Variants in STK38L observed in about 807,000 individuals in gnomAD.
STK38L encodes the protein serine/threonine-protein kinase 38-like.
A neutral mutation model predicts 59.7 loss-of-function variants in STK38L; 28 were observed. The observed-to-expected ratio is 0.47, with a 90% CI of 0.35 to 0.64. STK38L has a LOEUF of 0.64. STK38L is among the 30% of genes least tolerant of loss of function. The probability of loss-of-function intolerance (pLI) is 0.01; values close to 1 mark genes in which losing one functional copy is unlikely to be tolerated. For missense variants in STK38L, 314 were observed against 555.8 expected (o/e 0.56, Z 4.37); for synonymous variants, 162 against 176.8 (o/e 0.92, Z 0.66).
intron 2 of STK38L, among the ~76,000 whole-genome samples, chr12:27,299,149 T>A (rs1944102527): frequency 6.6e-6 from 1 of 152,240 alleles, no homozygotes; most frequent in African/African-American, 2.4e-5. Flanking sequence ...AAGTCAATGT[T>A]GCCTCTGAAA....
At position 27,325,330 on chromosome 12, in the gene STK38L, TG is replaced by T. The variant is rs1409797153; in HGVS notation, c.*2876del. 5 of 152,196 alleles carry T rather than the reference TG, an allele frequency of 3.3e-5. No individual in the cohort carries two copies. Among genetic ancestry groups the T allele is most frequent in the Non-Finnish European group, 7.4e-5 (5 of 67,994 alleles). The allele number at this position is 152,196 out of a possible 1,614,324, so 9.4% of individuals were successfully genotyped here. A position where few individuals can be genotyped will look rare whatever the true frequency, so the allele number is the denominator to read the frequency against. On this transcript the variant is annotated 3_prime_UTR_variant, in exon 14 of 14. Coordinates refer to ENST00000389032, the MANE Select transcript of STK38L (RefSeq NM_015000.4). ...GTTTCATTTATTTCTATACTTTTTC[TG>T]TTTTTTAAACACCTGCATATTTTTA...
At position 27,308,285 on chromosome 12, in the gene STK38L, C is replaced by T; in HGVS notation, c.187-54C>T. Reference sequence around the variant, plus strand: ...TATCATCTTTTAATACTAGAAGCTCCATCAAAACAACCTAATTATAAAATC... The same window carrying T: ...TATCATCTTTTAATACTAGAAGCTCTATCAAAACAACCTAATTATAAAATC... On this transcript the variant is annotated intron_variant, in intron 3 of 13. Coordinates refer to ENST00000389032, the MANE Select transcript of STK38L (RefSeq NM_015000.4). This position sits in a 1 kb window ranked among gnomAD's most constrained non-coding sequence, Gnocchi z 4.5. 7.0e-7 allele frequency: 1 copy of T among 1,431,906 alleles called. No individual in the cohort carries two copies. Among genetic ancestry groups the T allele is most frequent in the African/African-American group, 1.4e-5 (1 of 69,026 alleles). 88.7% of individuals were successfully genotyped at this position (1,431,906 alleles called of 1,614,324 possible).
chr12:27,314,729 T>C, intron 7 of STK38L, 71 bp downstream of exon 7: 2 of 1,474,142 alleles, frequency 1.4e-6, no homozygotes, highest in Admixed American at 2.4e-5. Context: ...ATTTTGTGAA[T>C]GGAAATCAGC....
At chr12:27,269,725 C>T (rs1439681237) in intron 1 of STK38L, among the ~76,000 whole-genome samples, 1 of 152,178 alleles carries the variant, frequency 6.6e-6, no homozygotes, top group Non-Finnish European at 1.5e-5. Context: ...TCACTGCAAC[C>T]TTTGCCTCCT....
chr12:27,312,481 G>GT, intron 5 of STK38L, 68 bp from the exon 6 acceptor site: 2 of 1,543,372 alleles, frequency 1.3e-6, no homozygotes, highest in Admixed American at 3.6e-5. Flanking sequence ...ATGGATAAGT[G>GT]TAAGAGATGA....
chr12:27,310,219 C>T (rs1944422800), intron 5 of STK38L, among the ~76,000 whole-genome samples: 1 of 151,964 alleles, frequency 6.6e-6, no homozygotes, highest in African/African-American at 2.4e-5. Flanking sequence ...GCTATGATTC[C>T]CCAGAGGGAA....
At chr12:27,267,788 G>T (rs956698431) in intron 1 of STK38L, among the ~76,000 whole-genome samples, 12 of 151,982 alleles carry the variant, frequency 7.9e-5, no homozygotes, top group Non-Finnish European at 1.6e-4. Context: ...GTATGAAGTG[G>T]TATCTCTTTG....
In STK38L at chr12:27,323,973, T is replaced by C. The variant is rs1944787340; in HGVS notation, c.*1518T>C. On this transcript the variant is annotated 3_prime_UTR_variant, in exon 14 of 14. Transcript: ENST00000389032. ...CATGATAACCATTATAAATGATCTATGATCAAAATCTAAAGTGATGAATTA... is the reference window on the plus strand; with the variant it reads ...CATGATAACCATTATAAATGATCTACGATCAAAATCTAAAGTGATGAATTA... 1 of 152,126 alleles carries C rather than the reference T, an allele frequency of 6.6e-6. No individual in the cohort carries two copies. The highest frequency in any genetic ancestry group is 2.1e-4 in the South Asian group (1 of 4,828). 9.4% of individuals were successfully genotyped at this position (152,126 alleles called of 1,614,324 possible).
intron 1 of STK38L, among the ~76,000 whole-genome samples, chr12:27,263,128 C>T (rs1187385257): frequency 6.6e-6 from 1 of 152,092 alleles, no homozygotes; most frequent in Non-Finnish European, 1.5e-5. Flanking sequence ...TCTCTCTCAC[C>T]TTGTATTTAG....
At chr12:27,310,087 C>T (rs1417182577) in intron 5 of STK38L, among the ~76,000 whole-genome samples, 1 of 152,122 alleles carries the variant, frequency 6.6e-6, no homozygotes, top group Non-Finnish European at 1.5e-5. Context: ...GATTTGCAGT[C>T]ATGAATTTAA....
intron 2 of STK38L, among the ~76,000 whole-genome samples, chr12:27,299,707 T>C (rs1274355760): frequency 6.6e-6 from 1 of 152,100 alleles, no homozygotes; most frequent in Non-Finnish European, 1.5e-5. Flanking sequence ...TTTGACAAAT[T>C]ATGTTGTAAG....
intron 5 of STK38L, 84 bp from the exon 6 acceptor site, chr12:27,312,464 GT>G: frequency 1.4e-6 from 2 of 1,438,366 alleles, no homozygotes; most frequent in Non-Finnish European, 1.9e-6. Flanking sequence ...TTCATTAACT[GT>G]TATGGATGGA....
At chr12:27,307,397 A>T (rs1944343621) in intron 3 of STK38L, among the ~76,000 whole-genome samples, 1 of 152,240 alleles carries the variant, frequency 6.6e-6, no homozygotes, top group Non-Finnish European at 1.5e-5. Context: ...TTTTAAAAAC[A>T]GATATATACA....
At chr12:27,268,631 C>T (rs1287288296) in intron 1 of STK38L, among the ~76,000 whole-genome samples, 3 of 152,146 alleles carry the variant, frequency 2.0e-5, no homozygotes, top group Non-Finnish European at 4.4e-5. Flanking sequence ...TGGGTATATA[C>T]CCAGTAATGG....
At position 27,317,316 on chromosome 12, in the gene STK38L, G is replaced by T. The variant is rs745758622; in HGVS notation, c.838-20G>T. On this transcript the variant is annotated intron_variant, in intron 9 of 13. Coordinates refer to ENST00000389032, the MANE Select transcript of STK38L (RefSeq NM_015000.4). The stretch of plus-strand genomic sequence containing the variant: ...TTTTAAATGTTAAGAATGCTGGTTT[G>T]ACGAGTTGCTCCTTTGTAGGCATAT... The T allele has an allele frequency of 1.9e-6, 3 of 1,547,364 alleles. No individual in the cohort carries two copies. In the Admixed American group the frequency reaches 5.6e-5, roughly 29 times the overall value.
chr12:27,283,998 C>G (rs1943715441), intron 1 of STK38L, among the ~76,000 whole-genome samples: 1 of 152,164 alleles, frequency 6.6e-6, no homozygotes, highest in Non-Finnish European at 1.5e-5. Flanking sequence ...TAATAGCTTT[C>G]AAGAAACCTT....
At chr12:27,318,590 T>G (rs1172072553) in intron 11 of STK38L, among the ~76,000 whole-genome samples, 7 of 152,212 alleles carry the variant, frequency 4.6e-5, no homozygotes, top group Admixed American at 4.6e-4. Context: ...TACACTATGA[T>G]TTTCATGGTA....
At chr12:27,271,651 T>G (rs918270189) in intron 1 of STK38L, among the ~76,000 whole-genome samples, 16 of 152,174 alleles carry the variant, frequency 1.1e-4, no homozygotes, top group African/African-American at 3.9e-4. Flanking sequence ...CTACAGCTAT[T>G]TGGGAGACAG....
chr12:27,255,020 G>C (rs1165492609), intron 1 of STK38L, among the ~76,000 whole-genome samples: 1 of 152,172 alleles, frequency 6.6e-6, no homozygotes, highest in Non-Finnish European at 1.5e-5. Flanking sequence ...ATGGACCAGT[G>C]TCTCTTTATT....
Sources: gnomAD v4.1 joint callset for allele counts (sites outside exome capture counted in the v4.1 genomes callset) on GRCh38, gnomAD v4.1.1 for gene constraint, Gnocchi (gnomAD v3.1) non-coding constraint, MANE v1.5 for transcripts, NCBI Gene and HGNC (gene_info 2026-07-23, HGNC 2026-07-21) for gene names.